ASIC2: variants seen among roughly 807,000 people sequenced by gnomAD.
The protein encoded by ASIC2 is acid-sensing ion channel 2.
A neutral mutation model predicts 57.3 loss-of-function variants in ASIC2; 25 were observed. The ratio of observed to expected loss-of-function variants is 0.44; its 90% CI spans 0.32 to 0.61. The LOEUF (loss-of-function observed/expected upper bound fraction) is 0.61, where lower values mean the gene tolerates loss of function less well. Among genes scored for constraint, ASIC2 ranks in the 20% least tolerant of loss-of-function variants. The pLI is 0.06. For missense variants in ASIC2, 641 were observed against 738.1 expected, an observed-to-expected ratio of 0.87 and a Z score of 1.52; for synonymous variants, 319 against 307.5, an observed-to-expected ratio of 1.04 and a Z score of -0.39.
chr17:33,214,068 C>T (rs1907381395), intron 1 of ASIC2, among the ~76,000 whole-genome samples: 1 of 152,122 alleles, frequency 6.6e-6, no homozygotes, highest in South Asian at 2.1e-4. Context: ...GGGTTAAGTT[C>T]TTGTCCATCT....
chr17:34,080,137 A>T (rs1464694411), intron 1 of ASIC2, among the ~76,000 whole-genome samples: 2 of 152,214 alleles, frequency 1.3e-5, no homozygotes, highest in Non-Finnish European at 2.9e-5. Flanking sequence ...ATATGCAAAG[A>T]TAGTTTCTAA....
intron 1 of ASIC2, among the ~76,000 whole-genome samples, chr17:33,914,940 G>A (rs1239749277): frequency 6.6e-6 from 1 of 152,094 alleles, no homozygotes; most frequent in Non-Finnish European, 1.5e-5. Context: ...AGATACTTTC[G>A]GAAGGCATGA....
Position 34,107,995 on chromosome 17 carries a change from T to C in ASIC2, c.555+47983A>G, listed in dbSNP as rs550439070. Among the ~76,000 whole-genome samples, 4 of 148,232 alleles carry C rather than the reference T, an allele frequency of 2.7e-5. No individual in the cohort carries two copies. The South Asian group carries it at 8.5e-4, about 31-fold the overall frequency. ...AATTTCACTATTTTCCAGTTTATCC[T>C]TCTTATGTTCTTTATGTAATGATAA... On this transcript the variant is annotated intron_variant, in intron 1 of 9. Coordinates refer to the ASIC2 transcript ENST00000359872.
chr17:33,863,132 T>C (rs1291915425), intron 1 of ASIC2, among the ~76,000 whole-genome samples: 1 of 152,254 alleles, frequency 6.6e-6, no homozygotes, highest in Admixed American at 6.5e-5. Flanking sequence ...AATCAGATGA[T>C]CTGTCTTGAA....
chr17:33,442,829 T>C (rs1387834946), intron 1 of ASIC2, among the ~76,000 whole-genome samples: 2 of 152,352 alleles, frequency 1.3e-5, no homozygotes, highest in East Asian at 1.9e-4. Flanking sequence ...GTAGGATTAA[T>C]GGCAGTTGAC....
At chr17:33,408,445 C>T (rs559672594) in intron 1 of ASIC2, among the ~76,000 whole-genome samples, 62 of 152,222 alleles carry the variant, frequency 4.1e-4, no homozygotes, top group Admixed American at 7.2e-4. Flanking sequence ...AATATGTATC[C>T]GGTACTTAGC....
intron 1 of ASIC2, among the ~76,000 whole-genome samples, chr17:33,422,781 C>A (rs1911090905): frequency 6.6e-6 from 1 of 152,188 alleles, no homozygotes; most frequent in Non-Finnish European, 1.5e-5. Flanking sequence ...TAATCTCCAG[C>A]CCAGACTCAA....
intron 1 of ASIC2, among the ~76,000 whole-genome samples, chr17:33,331,170 TA>T (rs1319187866): frequency 6.6e-6 from 1 of 152,172 alleles, no homozygotes; most frequent in Admixed American, 6.5e-5. Flanking sequence ...TATGAGAATC[TA>T]ATGCCTGATG....
chr17:34,063,176 C>T (rs139855563), intron 1 of ASIC2, among the ~76,000 whole-genome samples: 4 of 152,188 alleles, frequency 2.6e-5, no homozygotes, highest in African/African-American at 9.6e-5. Context: ...CCACCATTAT[C>T]AAGTGGGTTT....
intron 1 of ASIC2, among the ~76,000 whole-genome samples, chr17:34,103,118 T>C (rs1298025078): frequency 2.6e-5 from 4 of 152,212 alleles, no homozygotes; most frequent in Non-Finnish European, 4.4e-5. Flanking sequence ...TATATTTTGT[T>C]GATCAGAGTT....
chr17:33,078,646 C>T (rs1179321409), intron 3 of ASIC2, among the ~76,000 whole-genome samples: 1 of 152,108 alleles, frequency 6.6e-6, no homozygotes, highest in African/African-American at 2.4e-5. Context: ...CTATGTTGCC[C>T]AGGCTGGTCT....
chr17:33,960,590 A>AGG (rs1904889031), intron 1 of ASIC2, among the ~76,000 whole-genome samples: 1 of 152,174 alleles, frequency 6.6e-6, no homozygotes, highest in Non-Finnish European at 1.5e-5. Context: ...TTCAATGATC[A>AGG]GGACCTTGCT....
At position 33,546,719 on chromosome 17, in the gene ASIC2, C is replaced by G. The variant is rs114840819; in HGVS notation, c.556-434652G>C. On this transcript the variant is annotated intron_variant, in intron 1 of 9. Transcript: ENST00000359872. ...AATTCTGTCCCTCAAGTTACCTCCT[C>G]CAGCCCTTGGTTCATGTTTTGTGGA... Among the ~76,000 whole-genome samples the G allele has an allele frequency of 2.6e-3, 393 of 152,280 alleles. 2 individuals are homozygous for G. The highest frequency in any genetic ancestry group is 9.1e-3 in the African/African-American group (377 of 41,554).
chr17:33,710,772 A>G (rs1483913648), intron 1 of ASIC2, among the ~76,000 whole-genome samples: 2 of 152,134 alleles, frequency 1.3e-5, no homozygotes, highest in Non-Finnish European at 2.9e-5. Context: ...AGGAAATCGT[A>G]CTAGAGCAGT....
At chr17:33,106,898 A>T (rs572760278) in intron 2 of ASIC2, among the ~76,000 whole-genome samples, 118 of 152,328 alleles carry the variant, frequency 7.7e-4, no homozygotes, top group South Asian at 1.9e-3. Flanking sequence ...GTTTCTAGTG[A>T]CAGAATGAAA....
At chr17:33,587,515 G>A (rs1016076741) in intron 1 of ASIC2, among the ~76,000 whole-genome samples, 9 of 152,204 alleles carry the variant, frequency 5.9e-5, no homozygotes, top group African/African-American at 2.2e-4. Context: ...AGCAAAAACT[G>A]GCTTTCACAT....
chr17:34,088,994 G>A (rs1288972437), intron 1 of ASIC2, among the ~76,000 whole-genome samples: 2 of 152,202 alleles, frequency 1.3e-5, no homozygotes, highest in African/African-American at 2.4e-5. Context: ...CTTCCCAAAT[G>A]AGGCAATGCC....
chr17:33,559,672 CAG>C (rs1230575071), intron 1 of ASIC2, among the ~76,000 whole-genome samples: 1 of 152,130 alleles, frequency 6.6e-6, no homozygotes, highest in Admixed American at 6.6e-5. Flanking sequence ...ACTCTGCAGC[CAG>C]AGTGATATTT....
At chr17:34,037,785 G>C in intron 1 of ASIC2, 3 of 1,614,164 alleles carry the variant, frequency 1.9e-6, no homozygotes, top group East Asian at 2.2e-5. Context: ...AAGCATCGTC[G>C]AATCAACGCC....
Sources: gnomAD v4.1 joint callset for allele counts (sites outside exome capture counted in the v4.1 genomes callset) on GRCh38, gnomAD v4.1.1 for gene constraint, MANE v1.5 for transcripts, NCBI Gene and HGNC (gene_info 2026-07-23, HGNC 2026-07-21) for gene names.